The following KIF18A variants were observed in gnomAD, a reference collection of about 807,000 sequenced individuals.
KIF18A encodes kinesin-like protein KIF18A.
A neutral mutation model predicts 103.3 loss-of-function variants in KIF18A; 67 were observed. The observed-to-expected ratio is 0.65, with a 90% CI of 0.53 to 0.79. The LOEUF (loss-of-function observed/expected upper bound fraction) is 0.79. KIF18A is among the 30% of genes least tolerant of loss of function. The pLI, the probability that KIF18A is intolerant of heterozygous loss-of-function variation, is 0.00. For synonymous variants in KIF18A, 367 were observed against 355.5 expected, an observed-to-expected ratio of 1.03 and a Z score of -0.36; for missense variants, 1,032 against 1,062.5, an observed-to-expected ratio of 0.97 and a Z score of 0.40.
intron 10 of KIF18A, among the ~76,000 whole-genome samples, chr11:28,072,406 T>C (rs1168481850): frequency 3.3e-5 from 5 of 152,172 alleles, no homozygotes. Flanking sequence ...ACTCCAGAAC[T>C]ATTTATAGCT....
chr11:28,050,640 A>G (rs1207479036), intron 13 of KIF18A, among the ~76,000 whole-genome samples: 2 of 151,866 alleles, frequency 1.3e-5, no homozygotes, highest in Admixed American at 6.6e-5. Flanking sequence ...TACAGACAGA[A>G]GTATTACCAA....
chr11:28,062,280 T>A, intron 12 of KIF18A, 115 bp downstream of exon 12: 1 of 891,448 alleles, frequency 1.1e-6, no homozygotes. Flanking sequence ...GACAGACACT[T>A]AAAAATAATG....
At chr11:28,066,013 A>C (rs1356683043) in intron 11 of KIF18A, among the ~76,000 whole-genome samples, 1 of 152,050 alleles carries the variant, frequency 6.6e-6, no homozygotes, top group African/African-American at 2.4e-5. Context: ...CTTCTTGAGA[A>C]AATTTTTGCC....
intron 9 of KIF18A, among the ~76,000 whole-genome samples, chr11:28,080,123 C>A (rs1201452442): frequency 6.6e-6 from 1 of 151,956 alleles, no homozygotes; most frequent in African/African-American, 2.4e-5. Flanking sequence ...CAGAAAAGAA[C>A]AATATGAGCG....
chr11:28,031,819 G>A (rs888402523), intron 15 of KIF18A, among the ~76,000 whole-genome samples: 1 of 151,872 alleles, frequency 6.6e-6, no homozygotes, highest in South Asian at 2.1e-4. Flanking sequence ...TGTGGAACAT[G>A]ACAAGGATGC....
intron 15 of KIF18A, among the ~76,000 whole-genome samples, chr11:28,031,335 T>C (rs1188493838): frequency 1.3e-5 from 2 of 152,152 alleles, no homozygotes; most frequent in Admixed American, 6.5e-5. Flanking sequence ...ATATACACCA[T>C]GGAAGACTAT....
chr11:28,067,437 C>T (rs1453043980), intron 11 of KIF18A, among the ~76,000 whole-genome samples: 1 of 152,098 alleles, frequency 6.6e-6, no homozygotes, highest in Non-Finnish European at 1.5e-5. Context: ...TCATTAACTA[C>T]TACTGCTAGT....
chr11:28,060,072 C>T (rs989393118), intron 12 of KIF18A, among the ~76,000 whole-genome samples: 2 of 152,124 alleles, frequency 1.3e-5, no homozygotes, highest in African/African-American at 2.4e-5. Flanking sequence ...CAAAATCTCC[C>T]TTATTAGCAA....
intron 13 of KIF18A, among the ~76,000 whole-genome samples, chr11:28,039,482 A>C (rs919684362): frequency 6.6e-6 from 1 of 151,766 alleles, no homozygotes; most frequent in African/African-American, 2.4e-5. Context: ...TTATAGAGTC[A>C]TTATTTTTTA....
chr11:28,043,635 A>G (rs1173174892), intron 13 of KIF18A, among the ~76,000 whole-genome samples: 1 of 151,746 alleles, frequency 6.6e-6, no homozygotes, highest in Admixed American at 6.6e-5. Flanking sequence ...TGATATAAAA[A>G]AATGTTCATT....
intron 2 of KIF18A, among the ~76,000 whole-genome samples, chr11:28,096,209 G>GA (rs1851370797): frequency 1.4e-5 from 1 of 72,006 alleles, no homozygotes; most frequent in East Asian, 4.4e-4. Flanking sequence ...CAAAGAGAAA[G>GA]AAAAAAATCC....
intron 4 of KIF18A, among the ~76,000 whole-genome samples, chr11:28,091,123 A>AAAATAAAT (rs71050943): frequency 1.4e-5 from 2 of 147,232 alleles, no homozygotes; most frequent in South Asian, 2.2e-4. Context: ...GCCCGGTCAC[A>AAAATAAAT]AAATAAATAA....
intron 10 of KIF18A, among the ~76,000 whole-genome samples, chr11:28,070,348 C>A (rs997488404): frequency 6.6e-6 from 1 of 152,188 alleles, no homozygotes; most frequent in Non-Finnish European, 1.5e-5. Context: ...TGGTTATCTT[C>A]ATCTGGATAG....
At chr11:28,105,529 T>C (rs1235472473) in intron 1 of KIF18A, among the ~76,000 whole-genome samples, 2 of 152,198 alleles carry the variant, frequency 1.3e-5, no homozygotes, top group African/African-American at 2.4e-5. Context: ...TCTATCACCA[T>C]TGATGCTGTA....
intron 1 of KIF18A, among the ~76,000 whole-genome samples, chr11:28,106,630 C>T (rs952068375): frequency 2.7e-5 from 4 of 150,760 alleles, no homozygotes; most frequent in East Asian, 1.9e-4. Context: ...GGACAAGATG[C>T]ACTTTCAATA....
chr11:28,026,331 C>A (rs992545770), intron 15 of KIF18A, among the ~76,000 whole-genome samples: 3 of 151,572 alleles, frequency 2.0e-5, no homozygotes, highest in Non-Finnish European at 1.5e-5. Flanking sequence ...ATATACACAA[C>A]TAAATATGTA....
intron 6 of KIF18A, among the ~76,000 whole-genome samples, chr11:28,087,875 T>C (rs546111087): frequency 2.6e-5 from 4 of 152,216 alleles, no homozygotes; most frequent in Admixed American, 6.5e-5. Flanking sequence ...AGCTAAAGCT[T>C]TCGAGTATGG....
chr11:28,070,261 C>T (rs893213220), intron 10 of KIF18A, among the ~76,000 whole-genome samples: 1 of 152,056 alleles, frequency 6.6e-6, no homozygotes, highest in African/African-American at 2.4e-5. Context: ...GAAGAACTCC[C>T]CCTCTTTGGG....
At chr11:28,094,920 C>A in intron 2 of KIF18A, 120 bp from the exon 3 acceptor site, 1 of 921,692 alleles carries the variant, frequency 1.1e-6, no homozygotes, top group Non-Finnish European at 1.7e-6. Context: ...CCTACAAATC[C>A]AAAATTATAG....
Sources: gnomAD v4.1 joint callset for allele counts (sites outside exome capture counted in the v4.1 genomes callset) on GRCh38, gnomAD v4.1.1 for gene constraint, MANE v1.5 for transcripts, NCBI Gene and HGNC (gene_info 2026-07-23, HGNC 2026-07-21) for gene names.